RGS12: variants seen among roughly 807,000 people sequenced by gnomAD.
RGS12 encodes the protein regulator of G-protein signaling 12.
A neutral mutation model predicts 120.1 loss-of-function variants in RGS12; 66 were observed. The ratio of observed to expected loss-of-function variants is 0.55; its 90% CI spans 0.45 to 0.67. RGS12 has a LOEUF of 0.67. Ranked by LOEUF, RGS12 falls within the 30% of genes least tolerant of loss-of-function variation. The pLI, the probability that RGS12 is intolerant of heterozygous loss-of-function variation, is 0.00. For synonymous variants in RGS12, 827 were observed against 804.7 expected (o/e 1.03, Z -0.47); for missense variants, 1,859 against 1,957.7 (o/e 0.95, Z 0.95).
rs143312130 is a variant in RGS12, at chr4:3,322,193, T to C, written c.1881+4142T>C. 5.5e-4 allele frequency among the ~76,000 whole-genome samples: 84 copies of C among 152,332 alleles called. 1 individual carries two copies. Among genetic ancestry groups the C allele is most frequent in the African/African-American group, 1.8e-3 (73 of 41,568 alleles). The stretch of plus-strand genomic sequence containing the variant: ...ACGTCTCCTTGGTGAGATGGAAAGC[T>C]CTAACCCCCTGCACACCGAGCCACG... On this transcript the variant is annotated intron_variant, in intron 2 of 17. Transcript: ENST00000336727.
At chr4:3,438,370 G>A (rs80173390) in intron 17 of RGS12, among the ~76,000 whole-genome samples, 16,743 of 151,930 alleles carry the variant, frequency 0.11, 1,215 homozygotes, top group East Asian at 0.3. Context: ...CCGCACAGAT[G>A]GGGGGGTGGG....
intron 1 of RGS12, among the ~76,000 whole-genome samples, chr4:3,313,435 G>A (rs1300029912): frequency 6.6e-6 from 1 of 152,230 alleles, no homozygotes; most frequent in Non-Finnish European, 1.5e-5. Flanking sequence ...GTGCTTTAGT[G>A]AGACCGTTTC....
chr4:3,435,600 T>G (rs575786330), intron 17 of RGS12, among the ~76,000 whole-genome samples: 2 of 137,812 alleles, frequency 1.5e-5, no homozygotes, highest in Non-Finnish European at 3.1e-5. Flanking sequence ...CCCCAGCATC[T>G]CCTGGCTCCT....
At chr4:3,382,630 TC>T (rs1297362750) in intron 3 of RGS12, among the ~76,000 whole-genome samples, 1 of 149,446 alleles carries the variant, frequency 6.7e-6, no homozygotes, top group Non-Finnish European at 1.5e-5. Flanking sequence ...GGAGACCACC[TC>T]AGTTCTCTGC....
rs1719408502 is a variant in RGS12 at position 3,390,734 on chromosome 4, G to A, written c.2020+4297G>A. Among the ~76,000 whole-genome samples, 1 of 152,204 alleles carries A rather than the reference G, an allele frequency of 6.6e-6. No individual in the cohort carries two copies. On this transcript the variant is annotated intron_variant, in intron 4 of 17. Coordinates refer to ENST00000336727, the MANE Select transcript of RGS12 (RefSeq NM_001394154.1). This position sits in a 1 kb window ranked among gnomAD's most constrained non-coding sequence, Gnocchi z 4.6. ...GGGGCAAGTCACTTTCTCTCTCCTAGCCTTGTGTCTTCATCTCGCCGGTCC... is the reference window on the plus strand; with the variant it reads ...GGGGCAAGTCACTTTCTCTCTCCTAACCTTGTGTCTTCATCTCGCCGGTCC...
chr4:3,303,383 C>T (rs1032071247), intron 1 of RGS12, among the ~76,000 whole-genome samples: 14 of 152,222 alleles, frequency 9.2e-5, no homozygotes, highest in Admixed American at 6.5e-5. Context: ...GTGACAGCCA[C>T]AGGGCACCTG....
chr4:3,341,141 A>T (rs1713045926), intron 2 of RGS12, among the ~76,000 whole-genome samples: 1 of 147,650 alleles, frequency 6.8e-6, no homozygotes, highest in South Asian at 2.2e-4. Flanking sequence ...GAGGATAGTG[A>T]CACCCCTCTG....
intron 1 of RGS12, among the ~76,000 whole-genome samples, chr4:3,294,578 C>T (rs1723258018): frequency 6.6e-6 from 1 of 152,196 alleles, no homozygotes; most frequent in African/African-American, 2.4e-5. Context: ...GGTGCCTCAG[C>T]TGGATGCTCT....
intron 3 of RGS12, among the ~76,000 whole-genome samples, chr4:3,352,574 G>A (rs1043497344): frequency 6.6e-6 from 1 of 152,150 alleles, no homozygotes; most frequent in African/African-American, 2.4e-5. Context: ...GGGAAGTAGT[G>A]GAAGATAAAG....
intron 2 of RGS12, among the ~76,000 whole-genome samples, chr4:3,321,636 T>A (rs570235704): frequency 6.6e-6 from 1 of 152,348 alleles, no homozygotes; most frequent in South Asian, 2.1e-4. Context: ...TGAGTCCGCC[T>A]TGGCTTGCCT....
intron 2 of RGS12, chr4:3,342,491 T>G: frequency 7.8e-7 from 1 of 1,289,960 alleles, no homozygotes; most frequent in South Asian, 1.2e-5. Flanking sequence ...TTTCCTAAAG[T>G]GCTTACAAAA....
intron 3 of RGS12, among the ~76,000 whole-genome samples, chr4:3,347,809 A>G (rs916027036): frequency 2.0e-5 from 3 of 152,256 alleles, no homozygotes; most frequent in African/African-American, 7.2e-5. Context: ...AGTTCATTAT[A>G]ATTAGCAATT....
chr4:3,421,928 T>C (rs968102657), intron 10 of RGS12, among the ~76,000 whole-genome samples: 2 of 152,206 alleles, frequency 1.3e-5, no homozygotes, highest in Non-Finnish European at 2.9e-5. Flanking sequence ...GACCTCAGAC[T>C]ACCGGAAGGC....
intron 4 of RGS12, among the ~76,000 whole-genome samples, chr4:3,401,525 G>A (rs1720582203): frequency 6.6e-6 from 1 of 151,376 alleles, no homozygotes; most frequent in Non-Finnish European, 1.5e-5. Context: ...TAACTCGTAA[G>A]TTACTTGGTG....
intron 1 of RGS12, among the ~76,000 whole-genome samples, chr4:3,301,148 C>T (rs565617363): frequency 6.6e-6 from 1 of 151,040 alleles, no homozygotes; most frequent in Non-Finnish European, 1.5e-5. Flanking sequence ...CTCTGTAACA[C>T]GGGGTCTGTC....
At chr4:3,320,031 A>G (rs1417345262) in intron 2 of RGS12, among the ~76,000 whole-genome samples, 2 of 152,256 alleles carry the variant, frequency 1.3e-5, no homozygotes, top group African/African-American at 2.4e-5. Context: ...TTGAGTACAT[A>G]TTTAAAACTG....
chr4:3,310,792 CGCCTGCGGGGGCAGGT>C (rs1724344293), intron 1 of RGS12, among the ~76,000 whole-genome samples: 1 of 151,998 alleles, frequency 6.6e-6, no homozygotes, highest in Admixed American at 6.6e-5. Context: ...GGTGGGCAGG[CGCCTGCGGGGGCAGGT>C]CCCAGGTGGA....
chr4:3,420,242 C>T, intron 9 of RGS12: 1 of 261,012 alleles, frequency 3.8e-6, no homozygotes, highest in Non-Finnish European at 7.3e-6. Flanking sequence ...CCAGAAACTA[C>T]ATTTGGGGAT....
chr4:3,370,334 G>A (rs776763524), intron 3 of RGS12: 17 of 1,613,174 alleles, frequency 1.1e-5, no homozygotes, highest in Middle Eastern at 1.7e-4. Flanking sequence ...AAGTAGTTCC[G>A]GCTTTTTCTT....
Sources: allele counts gnomAD v4.1 joint callset (sites outside exome capture counted in the v4.1 genomes callset), GRCh38; gene constraint gnomAD v4.1.1; non-coding constraint Gnocchi (gnomAD v3.1); transcripts MANE v1.5; gene names NCBI Gene and HGNC (gene_info 2026-07-23, HGNC 2026-07-21).